WDR44: variants seen among roughly 807,000 people sequenced by gnomAD.
The protein encoded by WDR44 is WD repeat domain 44, also known as WD repeat-containing protein 44.
A neutral mutation model predicts 65.7 loss-of-function variants in WDR44; 9 were observed. That is an observed-to-expected ratio of 0.14 (90% CI 0.08 to 0.24). The LOEUF is 0.24. Among genes scored for constraint, WDR44 ranks in the 10% least tolerant of loss-of-function variants. WDR44 has a pLI of 1.00. For missense variants in WDR44, 425 were observed against 670.9 expected (o/e 0.63, Z 4.05); for synonymous variants, 220 against 235.2 (o/e 0.94, Z 0.59).
intron 12 of WDR44, among the ~76,000 whole-genome samples, chrX:118,432,388 C>T (rs184522488): frequency 2.2e-4 from 25 of 111,339 alleles, no homozygotes; most frequent in African/African-American, 7.2e-4. Flanking sequence ...AAACTTTGCC[C>T]AATGTCTAAT....
rs1209525592 is a variant in WDR44, at chrX:118,404,324, T to C, written c.1275-14T>C. ...ACAGTTAACTGAGTTGATACTTTTT[T>C]CATTTTTGTTAAGGACTCAACTAAA... On this transcript the variant is annotated splice_polypyrimidine_tract_variant and intron_variant, in intron 8 of 19. Transcript: ENST00000254029. 8.6e-7 allele frequency: 1 copy of C among 1,161,106 alleles called. No individual in the cohort carries two copies. Among genetic ancestry groups the C allele is most frequent in the Non-Finnish European group, 1.2e-6 (1 of 857,053 alleles).
chrX:118,383,382 G>T (rs1317414408), intron 2 of WDR44, among the ~76,000 whole-genome samples: 2 of 111,580 alleles, frequency 1.8e-5, no homozygotes, highest in Admixed American at 1.9e-4. Context: ...GGGATGCTAA[G>T]GTGGGAGGAT....
At position 118,365,004 on chromosome X, in the gene WDR44, T is replaced by G. The variant is rs72607625; in HGVS notation, c.78-13415T>G. On this transcript the variant is annotated intron_variant, in intron 1 of 19. Coordinates refer to ENST00000254029, the MANE Select transcript of WDR44 (RefSeq NM_019045.5). Reference sequence around the variant, plus strand: ...TCATTCCACTCAGTTTCTAGAACATTCACCAAATTGATTTCTCTCTTCTGA... The same window carrying G: ...TCATTCCACTCAGTTTCTAGAACATGCACCAAATTGATTTCTCTCTTCTGA... Among the ~76,000 whole-genome samples the G allele has an allele frequency of 5.3e-3, 594 of 112,287 alleles. 18 individuals carry two copies. The East Asian group carries it at 0.081, about 15-fold the overall frequency.
At chrX:118,439,158 G>T (rs958001187) in intron 14 of WDR44, among the ~76,000 whole-genome samples, 1 of 110,393 alleles carries the variant, frequency 9.1e-6, no homozygotes, top group Non-Finnish European at 1.9e-5. Context: ...TCTAAAAATC[G>T]TACTGACCTG....
At chrX:118,415,911 G>T (rs974350047) in intron 12 of WDR44, among the ~76,000 whole-genome samples, 1 of 111,377 alleles carries the variant, frequency 9.0e-6, no homozygotes, top group African/African-American at 3.3e-5. Context: ...TAAGCTAGGA[G>T]GGTTGTATTT....
chrX:118,407,208 A>G (rs1305415290), intron 10 of WDR44, among the ~76,000 whole-genome samples, 182 bp downstream of exon 10: 6 of 112,172 alleles, frequency 5.3e-5, no homozygotes, highest in African/African-American at 1.9e-4. Flanking sequence ...TTATTCCAGA[A>G]GTGACTTATC....
chrX:118,367,183 A>G (rs974939114), intron 1 of WDR44, among the ~76,000 whole-genome samples: 1 of 112,248 alleles, frequency 8.9e-6, no homozygotes, highest in Non-Finnish European at 1.9e-5. Context: ...ATTGTTGAAC[A>G]TGATCAACAT....
rs759120290 is a variant in WDR44, at chrX:118,394,044, T to TATC, written c.827-8_827-6dup. 1 of 1,199,578 alleles carries TATC rather than the reference T, an allele frequency of 8.3e-7. No homozygotes were observed. The highest frequency in any genetic ancestry group is 1.7e-5 in the African/African-American group (1 of 57,159). On this transcript the variant is annotated splice_polypyrimidine_tract_variant and intron_variant, in intron 4 of 19. Transcript: ENST00000254029. Reference sequence around the variant, plus strand: ...GGGTTGTTATTATTGTTGTTATTATTATCATTGCAGTTCCCAAAGAGAATA... The same window carrying TATC: ...GGGTTGTTATTATTGTTGTTATTATTATCATCATTGCAGTTCCCAAAGAGAATA...
intron 12 of WDR44, among the ~76,000 whole-genome samples, chrX:118,430,451 A>C (rs1224496489): frequency 9.2e-6 from 1 of 108,287 alleles, no homozygotes; most frequent in Non-Finnish European, 1.9e-5. Flanking sequence ...CTGAGGCAGG[A>C]GAATCACTTG....
intron 1 of WDR44, among the ~76,000 whole-genome samples, chrX:118,373,776 C>G (rs771696544): frequency 9.0e-6 from 1 of 111,164 alleles, no homozygotes; most frequent in South Asian, 3.8e-4. Context: ...TGTAAATGAC[C>G]TAATCTGACT....
chrX:118,413,793 C>G (rs1472920351), intron 12 of WDR44, among the ~76,000 whole-genome samples: 2 of 111,885 alleles, frequency 1.8e-5, no homozygotes, highest in Non-Finnish European at 3.8e-5. Flanking sequence ...ATGTTATCTT[C>G]TAGAATTTTT....
chrX:118,393,021 T>A lies in WDR44; in HGVS notation c.576T>A (p.Pro192=), dbSNP rs763214582. The part of the protein sequence containing the change: ...EVKGGGDVLE[P]VSSDSLSTKD... Reference sequence around the variant, plus strand: ...AAGGAGGTGGTGATGTTTTAGAGCCTGTGTCCTCAGACTCCTTATCTACTA... The same window carrying A: ...AAGGAGGTGGTGATGTTTTAGAGCCAGTGTCCTCAGACTCCTTATCTACTA... The change falls in exon 4 of 20, where the codon CCT becomes CCA. Residue 192 remains proline (P), a synonymous_variant. Coordinates refer to ENST00000254029, the MANE Select transcript of WDR44 (RefSeq NM_019045.5). The A allele has an allele frequency of 3.3e-6, 4 of 1,211,935 alleles. No homozygotes were observed. The South Asian group carries it at 7.0e-5, about 21-fold the overall frequency.
chrX:118,440,352 C>T (rs1301408898), intron 14 of WDR44, among the ~76,000 whole-genome samples: 1 of 110,432 alleles, frequency 9.1e-6, no homozygotes, highest in Non-Finnish European at 1.9e-5. Context: ...GTTTTGACAA[C>T]CAAAATGTCT....
chrX:118,390,197 C>A (rs2056807403), intron 3 of WDR44, among the ~76,000 whole-genome samples: 1 of 111,245 alleles, frequency 9.0e-6, no homozygotes, highest in Admixed American at 9.7e-5. Context: ...GCTGGGATTA[C>A]AAGCATAAGT....
intron 1 of WDR44, among the ~76,000 whole-genome samples, chrX:118,373,488 C>T (rs1176308545): frequency 9.0e-6 from 1 of 111,506 alleles, no homozygotes; most frequent in Non-Finnish European, 1.9e-5. Flanking sequence ...TATTTCATTC[C>T]CTAGCAGTCC....
intron 14 of WDR44, among the ~76,000 whole-genome samples, chrX:118,440,197 A>T (rs1313553796): frequency 9.1e-6 from 1 of 109,835 alleles, no homozygotes; most frequent in East Asian, 2.9e-4. Flanking sequence ...GGTAGGACTG[A>T]TTTAGTTTAA....
intron 12 of WDR44, among the ~76,000 whole-genome samples, chrX:118,417,134 C>A (rs2057064473): frequency 8.9e-6 from 1 of 112,072 alleles, no homozygotes; most frequent in South Asian, 3.7e-4. Flanking sequence ...TTCTGCATCT[C>A]TGTATCTTTT....
At chrX:118,386,898 T>TA (rs2056772675) in intron 2 of WDR44, among the ~76,000 whole-genome samples, 1 of 111,055 alleles carries the variant, frequency 9.0e-6, no homozygotes, top group African/African-American at 3.3e-5. Context: ...CTAAGCCCTT[T>TA]AGGCTGGGCA....
At chrX:118,415,595 C>A (rs942960568) in intron 12 of WDR44, among the ~76,000 whole-genome samples, 5 of 111,709 alleles carry the variant, frequency 4.5e-5, no homozygotes, top group African/African-American at 1.6e-4. Flanking sequence ...CCTCCGCCTC[C>A]TGGGTTCCAA....
Sources: allele counts gnomAD v4.1 joint callset (sites outside exome capture counted in the v4.1 genomes callset), GRCh38; gene constraint gnomAD v4.1.1; transcripts MANE v1.5; gene names NCBI Gene and HGNC (gene_info 2026-07-23, HGNC 2026-07-21).